The following CCDC57 variants were observed in gnomAD, a reference collection of about 807,000 sequenced individuals.
The protein encoded by CCDC57 is coiled-coil domain-containing protein 57.
A neutral mutation model predicts 118.9 loss-of-function variants in CCDC57; 118 were observed. The observed-to-expected ratio is 0.99, with a 90% CI of 0.86 to 1.16. The LOEUF (loss-of-function observed/expected upper bound fraction) is 1.16. Among genes scored for constraint, CCDC57 ranks in the 50% most tolerant of loss-of-function variants. CCDC57 has a pLI of 0.00. For synonymous variants in CCDC57, 527 were observed against 532.9 expected (o/e 0.99, Z 0.15); for missense variants, 1,300 against 1,320.7 (o/e 0.98, Z 0.24).
chr17:82,173,104 C>T lies in CCDC57; in HGVS notation c.1507-244G>A, dbSNP rs118147730. ...CCCTAGAGTGTCCAATCCACAGAGGCAGAAAGTGGAATGGGGGTGCTGGGG... is the reference window on the plus strand; with the variant it reads ...CCCTAGAGTGTCCAATCCACAGAGGTAGAAAGTGGAATGGGGGTGCTGGGG... On this transcript the variant is annotated intron_variant, in intron 11 of 19. Transcript: ENST00000665763. 1.1e-4 allele frequency among the ~76,000 whole-genome samples: 17 copies of T among 151,662 alleles called. No homozygotes were observed. In the East Asian group the frequency reaches 3.3e-3, roughly 29 times the overall value.
chr17:82,159,837 C>A (rs531890828), intron 14 of CCDC57, among the ~76,000 whole-genome samples: 1 of 151,940 alleles, frequency 6.6e-6, no homozygotes, highest in Admixed American at 6.6e-5. Flanking sequence ...ACACCCGGCT[C>A]ATCTTTTGTA....
At chr17:82,178,796 G>T (rs1054473117) in intron 10 of CCDC57, among the ~76,000 whole-genome samples, 191 bp from the exon 10 acceptor site, 2 of 152,234 alleles carry the variant, frequency 1.3e-5, no homozygotes, top group Non-Finnish European at 2.9e-5. Flanking sequence ...ATCATGCAGC[G>T]CTACTCAAAC....
rs551011168 is a variant in CCDC57 at position 82,180,524 on chromosome 17, G to A, written c.1212-1335C>T. ...AGAGTCTTGCTCTGTCACCCAGGCT[G>A]GAGTGCAGTGGCGTGATGTTGGCTT... On this transcript the variant is annotated intron_variant, in intron 9 of 19. Coordinates refer to ENST00000665763, the Ensembl canonical transcript of CCDC57. Among the ~76,000 whole-genome samples, 6 of 152,330 alleles carry A rather than the reference G, an allele frequency of 3.9e-5. No individual in the cohort carries two copies. In the South Asian group the frequency reaches 1.2e-3, roughly 32 times the overall value.
intron 19 of CCDC57, chr17:82,108,630 G>A (rs762442687): frequency 4.6e-5 from 7 of 152,234 alleles, no homozygotes; most frequent in African/African-American, 7.2e-5. Context: ...AATACCTTCC[G>A]CTGTCCTTCC....
intron 8 of CCDC57, 102 bp from the exon 8 acceptor site, chr17:82,184,034 C>G: frequency 3.6e-6 from 1 of 277,116 alleles, no homozygotes; most frequent in Non-Finnish European, 6.9e-6. Context: ...CGCGCGCGCA[C>G]ACACACACAC....
At chr17:82,116,912 C>G (rs1345571818) in intron 19 of CCDC57, among the ~76,000 whole-genome samples, 3 of 152,232 alleles carry the variant, frequency 2.0e-5, no homozygotes, top group Admixed American at 1.3e-4. Flanking sequence ...CCCTTCGAGT[C>G]CCTGACTTTC....
intron 7 of CCDC57, among the ~76,000 whole-genome samples, chr17:82,191,686 A>T (rs1014623155): frequency 2.0e-5 from 3 of 152,108 alleles, no homozygotes; most frequent in African/African-American, 7.2e-5. Context: ...TTTTTTTTTA[A>T]GACAGGGTCT....
chr17:82,127,654 C>T, intron 19 of CCDC57, 38 bp downstream of exon 18: 1 of 1,557,264 alleles, frequency 6.4e-7, no homozygotes, highest in Non-Finnish European at 8.7e-7. Context: ...TCGCCAGCTG[C>T]CAGCTGTGGG....
At chr17:82,150,132 C>T (rs1458480860) in intron 16 of CCDC57, among the ~76,000 whole-genome samples, 54 of 149,404 alleles carry the variant, frequency 3.6e-4, no homozygotes, top group Non-Finnish European at 7.0e-4. Flanking sequence ...CACCCAGAAC[C>T]AGGCGCACAC....
chr17:82,191,866 C>A (rs1421478076), intron 7 of CCDC57, among the ~76,000 whole-genome samples: 1 of 151,862 alleles, frequency 6.6e-6, no homozygotes, highest in Non-Finnish European at 1.5e-5. Flanking sequence ...AGGGGTTTTG[C>A]TATGTTGCCT....
At chr17:82,128,922 G>T (rs368227340) in intron 17 of CCDC57, among the ~76,000 whole-genome samples, 329 of 147,666 alleles carry the variant, frequency 2.2e-3, no homozygotes, top group African/African-American at 7.2e-3. Context: ...CTGCTTTTTT[G>T]TTTTTTTTTT....
chr17:82,151,865 C>T, intron 15 of CCDC57, 92 bp from the exon 15 acceptor site: 1 of 1,108,646 alleles, frequency 9.0e-7, no homozygotes, highest in South Asian at 1.6e-5. Flanking sequence ...TTCACCTGCT[C>T]TTCCAGGGTG....
intron 19 of CCDC57, among the ~76,000 whole-genome samples, chr17:82,122,090 C>A (rs1459456784): frequency 6.6e-6 from 1 of 152,180 alleles, no homozygotes; most frequent in Admixed American, 6.5e-5. Context: ...TCTTCACTCT[C>A]TCCCGGATCT....
At chr17:82,126,078 C>T (rs766716135) in intron 19 of CCDC57, among the ~76,000 whole-genome samples, 2 of 151,976 alleles carry the variant, frequency 1.3e-5, no homozygotes, top group Non-Finnish European at 2.9e-5. Context: ...GTCAGGAGTT[C>T]GAGACGAGCC....
rs2048606133 is a variant in CCDC57 at position 82,198,778 on chromosome 17, C to G, written c.408-356G>C. Among the ~76,000 whole-genome samples, 5 of 151,674 alleles carry G rather than the reference C, an allele frequency of 3.3e-5. 1 individual carries two copies. In the South Asian group the frequency reaches 1.0e-3, roughly 32 times the overall value. On this transcript the variant is annotated intron_variant, in intron 3 of 19. Coordinates refer to ENST00000665763, the Ensembl canonical transcript of CCDC57. ...GGCCGAGGTGGGCGGATCACAAGGT[C>G]AGGAGATCGAGAGCATCCTGGCTAA...
At chr17:82,140,113 T>G (rs1204473613) in intron 16 of CCDC57, among the ~76,000 whole-genome samples, 1 of 151,986 alleles carries the variant, frequency 6.6e-6, no homozygotes, top group Non-Finnish European at 1.5e-5. Context: ...TGAGACAGAG[T>G]CACGCTCTGT....
chr17:82,188,482 C>T, intron 7 of CCDC57, 63 bp from the exon 7 acceptor site: 2 of 1,511,074 alleles, frequency 1.3e-6, no homozygotes, highest in Admixed American at 3.9e-5. Flanking sequence ...CCCAGACCCT[C>T]TTTGGAGGCG....
At position 82,201,835 on chromosome 17, in the gene CCDC57, T is replaced by C. The variant is rs758266073; in HGVS notation, c.110A>G (p.Gln37Arg). The change falls in exon 3 of 20, where the codon CAG (glutamine) becomes CGG (arginine). Residue 37 changes from glutamine (Q) to arginine (R), a missense_variant. By Grantham distance (43) the Gln-to-Arg change is conservative (BLOSUM62 1). Transcript: ENST00000665763. ...CTCCTCCAGCTGGCTCCGTGTGTCCTGCAGAGCCGCCTCCTGCAGCTGGGT... is the reference window on the plus strand; with the variant it reads ...CTCCTCCAGCTGGCTCCGTGTGTCCCGCAGAGCCGCCTCCTGCAGCTGGGT... 6 of 1,613,626 alleles carry C rather than the reference T, an allele frequency of 3.7e-6. No individual in the cohort carries two copies. In the Admixed American group the frequency reaches 5.0e-5, roughly 13 times the overall value.
At position 82,118,722 on chromosome 17, in the gene CCDC57, A is replaced by G. The variant is rs936177301; in HGVS notation, c.2899+8970T>C. ...AGAGCTTCCGTCCGCACTGGGTGCCACTCAGTCTGCCGCGCTTTTTATGTA... is the reference window on the plus strand; with the variant it reads ...AGAGCTTCCGTCCGCACTGGGTGCCGCTCAGTCTGCCGCGCTTTTTATGTA... On this transcript the variant is annotated intron_variant, in intron 19 of 19. Coordinates refer to ENST00000665763, the Ensembl canonical transcript of CCDC57. This position sits in a 1 kb window ranked among gnomAD's most constrained non-coding sequence, Gnocchi z 4.7. Among the ~76,000 whole-genome samples the G allele has an allele frequency of 2.0e-5, 3 of 151,972 alleles. No homozygotes were observed. Among genetic ancestry groups the G allele is most frequent in the Non-Finnish European group, 4.4e-5 (3 of 67,984 alleles).
Sources: gnomAD v4.1 joint callset for allele counts (sites outside exome capture counted in the v4.1 genomes callset) on GRCh38, gnomAD v4.1.1 for gene constraint, Gnocchi (gnomAD v3.1) non-coding constraint, MANE v1.5 for transcripts, NCBI Gene and HGNC (gene_info 2026-07-23, HGNC 2026-07-21) for gene names.